ZNF426: variants seen among roughly 807,000 people sequenced by gnomAD.
ZNF426 encodes the protein zinc finger protein 426, also known as CTC-543D15.7.
ZNF426 carries 23 observed loss-of-function variants against 24.0 expected under a neutral mutation model. The ratio of observed to expected loss-of-function variants is 0.96; its 90% confidence interval spans 0.69 to 1.36. The LOEUF (loss-of-function observed/expected upper bound fraction) is 1.36, where lower values mean the gene tolerates loss of function less well. Ranked by LOEUF, ZNF426 falls within the 40% of genes most tolerant of loss-of-function variation. ZNF426 has a pLI of 0.00. For missense variants in ZNF426, 646 were observed against 658.4 expected, an observed-to-expected ratio of 0.98 and a Z score of 0.21; for synonymous variants, 272 against 224.6, an observed-to-expected ratio of 1.21 and a Z score of -1.89.
In ZNF426 at chr19:9,525,091, T is replaced by C. The variant is rs1228131787; in HGVS notation, c.*3289A>G. On this transcript the variant is annotated 3_prime_UTR_variant, in exon 8 of 8. Coordinates refer to ENST00000253115, the MANE Select transcript of ZNF426 (RefSeq NM_024106.3). ...AGTGAAACCCCGTCTCTACTAAAAA[T>C]ACAAAAAATTAGCCGGGCGTGGTAG... is the stretch of plus-strand genomic sequence containing the variant. 2.7e-5 allele frequency: 4 copies of C among 150,398 alleles called. No homozygotes were observed. Among genetic ancestry groups the C allele is most frequent in the Admixed American group, 6.6e-5 (1 of 15,116 alleles). 9.3% of individuals were successfully genotyped at this position (150,398 alleles called of 1,614,324 possible).
At chr19:9,532,263 A>G (rs2144772347) in intron 6 of ZNF426, among the ~76,000 whole-genome samples, 1 of 151,188 alleles carries the variant, frequency 6.6e-6, no homozygotes, top group South Asian at 2.1e-4. Flanking sequence ...TATTTCTGGA[A>G]ATTTTTCTTT....
In ZNF426 at chr19:9,536,469, G is replaced by A. The variant is rs1297597554; in HGVS notation, c.-124-113C>T. The A allele has an allele frequency of 9.5e-6, 10 of 1,055,328 alleles. No individual in the cohort carries two copies. In the East Asian group the frequency reaches 2.5e-4, roughly 26 times the overall value. 65.4% of individuals were successfully genotyped at this position (1,055,328 alleles called of 1,614,324 possible). ...TAATCCCAGCATTTTGGGAGGCCAG[G>A]GTGGGAGGACTGCTTCAGCCTAGAA... On this transcript the variant is annotated intron_variant, in intron 2 of 7. Coordinates refer to ENST00000253115, the MANE Select transcript of ZNF426 (RefSeq NM_024106.3).
chr19:9,527,990 C>CT lies in ZNF426; in HGVS notation c.*389dup, dbSNP rs201978637. On this transcript the variant is annotated 3_prime_UTR_variant, in exon 8 of 8. Coordinates refer to ENST00000253115, the MANE Select transcript of ZNF426 (RefSeq NM_024106.3). ...AGACTCAATTTAATCAAATAATTTT[C>CT]TTTTTTTTTTTTTTTTGAGATGGAG... The CT allele has an allele frequency of 0.045, 6,394 of 141,310 alleles. 199 individuals are homozygous for CT. The highest frequency in any genetic ancestry group is 0.091 in the South Asian group (432 of 4,748). 8.8% of individuals were successfully genotyped at this position (141,310 alleles called of 1,614,324 possible).
At chr19:9,535,353 C>T in intron 3 of ZNF426, 74 bp from the exon 4 acceptor site, 2 of 1,053,584 alleles carry the variant, frequency 1.9e-6, no homozygotes, top group South Asian at 1.4e-5. Flanking sequence ...AGGTCATTAC[C>T]TCCTAGTATG....
Position 9,536,327 on chromosome 19 carries a change from A to T in ZNF426, c.-95T>A, listed in dbSNP as rs771244510. The T allele has an allele frequency of 6.2e-7, 1 of 1,611,056 alleles. No individual in the cohort carries two copies. The highest frequency in any genetic ancestry group is 1.7e-5 in the Admixed American group (1 of 59,484). ...ATCTAAATGGACAGTGGCAATCTCC[A>T]TTCCTCTTTAAACAGGGTTATTGGG... On this transcript the variant is annotated 5_prime_UTR_variant, in exon 3 of 8. It removes an upstream start codon present in the reference 5' UTR. Transcript: ENST00000253115.
At chr19:9,537,408 C>T (rs971131722) in intron 2 of ZNF426, among the ~76,000 whole-genome samples, 13 of 151,540 alleles carry the variant, frequency 8.6e-5, no homozygotes, top group Admixed American at 2.0e-4. Context: ...TGACTAGGCC[C>T]ACAAATATTC....
chr19:9,528,304 T>G lies in ZNF426; in HGVS notation c.*76A>C. 7 of 1,383,514 alleles carry G rather than the reference T, an allele frequency of 5.1e-6. No individual in the cohort carries two copies. The highest frequency in any genetic ancestry group is 6.9e-6 in the Non-Finnish European group (7 of 1,016,084). The allele number at this position is 1,383,514 out of a possible 1,614,324, so 85.7% of individuals were successfully genotyped here. ...TTCATGCAGCTTCTTCTCTCCAGAG[T>G]GAGTTCATTCATGTCTTTAAAGTGA... is the stretch of plus-strand genomic sequence containing the variant. On this transcript the variant is annotated 3_prime_UTR_variant, in exon 8 of 8. Transcript: ENST00000253115.
At chr19:9,537,548 T>G (rs1443225495) in intron 2 of ZNF426, among the ~76,000 whole-genome samples, 1 of 150,638 alleles carries the variant, frequency 6.6e-6, no homozygotes, top group Admixed American at 6.6e-5. Context: ...CCTCAGCCTC[T>G]CAAAGTGCTG....
Position 9,535,191 on chromosome 19 carries a change from A to G in ZNF426, c.114T>C (p.Tyr38=), listed in dbSNP as rs1379746356. 6.2e-7 allele frequency: 1 copy of G among 1,611,450 alleles called. No homozygotes were observed. Among genetic ancestry groups the G allele is most frequent in the African/African-American group, 1.3e-5 (1 of 74,752 alleles). The part of the protein sequence containing the change: ...RIVADCLTDC[Y]QDSVTFDDVA... Reference sequence around the variant, plus strand: ...TAAGAATACAGCTGCTTTTTACCTGATAACAATCTGTTAGGCAGTCAGCCA... The same window carrying G: ...TAAGAATACAGCTGCTTTTTACCTGGTAACAATCTGTTAGGCAGTCAGCCA... Residue 38 remains tyrosine, a synonymous_variant, in exon 4 of 8, where the codon TAT becomes TAC. Coordinates refer to ENST00000253115, the MANE Select transcript of ZNF426 (RefSeq NM_024106.3).
At chr19:9,536,787 A>C (rs541555033) in intron 2 of ZNF426, among the ~76,000 whole-genome samples, 8 of 152,144 alleles carry the variant, frequency 5.3e-5, no homozygotes, top group South Asian at 2.1e-4. Flanking sequence ...ATGGGTCTTC[A>C]AAGAGAACTA....
Position 9,523,428 on chromosome 19 carries a change from T to G in ZNF426, c.*4952A>C, listed in dbSNP as rs767232509. ...ACCCTGGTATCTCTTTCACTTCTTA[T>G]AAGGAAACCAGTCATATTGAATGAG... is the stretch of plus-strand genomic sequence containing the variant. On this transcript the variant is annotated 3_prime_UTR_variant, in exon 8 of 8. Coordinates refer to ENST00000253115, the MANE Select transcript of ZNF426 (RefSeq NM_024106.3). 28 of 152,196 alleles carry G rather than the reference T, an allele frequency of 1.8e-4. No homozygotes were observed. Among genetic ancestry groups the G allele is most frequent in the Non-Finnish European group, 4.0e-4 (27 of 68,032 alleles). 9.4% of individuals were successfully genotyped at this position (152,196 alleles called of 1,614,324 possible).
At chr19:9,530,572 G>C (rs2073867986) in intron 7 of ZNF426, among the ~76,000 whole-genome samples, 2 of 151,910 alleles carry the variant, frequency 1.3e-5, no homozygotes, top group Admixed American at 1.3e-4. Context: ...GACTAGCCTG[G>C]GAAACACAGT....
chr19:9,536,116 C>A, intron 3 of ZNF426, 92 bp downstream of exon 3: 1 of 1,556,066 alleles, frequency 6.4e-7, no homozygotes, highest in South Asian at 1.1e-5. Context: ...CCAAATGAAT[C>A]AGCAACATGA....
chr19:9,535,176 GC>G lies in ZNF426; in HGVS notation c.117+11del, dbSNP rs768629962. ...GTATGTCACTATGTATAAGAATACA[GC>G]TGCTTTTTACCTGATAACAATCTGT... On this transcript the variant is annotated intron_variant, in intron 4 of 7. Coordinates refer to ENST00000253115, the MANE Select transcript of ZNF426 (RefSeq NM_024106.3). 1.2e-6 allele frequency: 2 copies of G among 1,607,398 alleles called. No homozygotes were observed. Among genetic ancestry groups the G allele is most frequent in the East Asian group, 4.5e-5 (2 of 44,518 alleles).
At position 9,529,628 on chromosome 19, in the gene ZNF426, T is replaced by C. The variant is rs1248408884; in HGVS notation, c.417A>G (p.Lys139=). ...AGTCACAGAGTTCCCTTCCATTGTG[T>C]TTTCCTTCCTGTTGAAGGGATGATG... ...QTSIGIQLEG[K]HNGRELCDCE... The change falls in exon 8 of 8, where the codon AAA becomes AAG. Residue 139 remains lysine (K), a synonymous_variant. Coordinates refer to ENST00000253115, the MANE Select transcript of ZNF426 (RefSeq NM_024106.3). The C allele has an allele frequency of 6.3e-7, 1 of 1,588,258 alleles. No homozygotes were observed. The highest frequency in any genetic ancestry group is 1.8e-5 in the Admixed American group (1 of 56,178).
At chr19:9,534,730 GAGTCC>G (rs1434753056) in intron 4 of ZNF426, among the ~76,000 whole-genome samples, 1 of 152,086 alleles carries the variant, frequency 6.6e-6, no homozygotes, top group African/African-American at 2.4e-5. Flanking sequence ...AAGTAGCTGG[GAGTCC>G]AGTCATGTAC....
Position 9,527,666 on chromosome 19 carries a change from T to C in ZNF426, c.*714A>G, listed in dbSNP as rs903205666. 3 of 152,168 alleles carry C rather than the reference T, an allele frequency of 2.0e-5. No individual in the cohort carries two copies. The highest frequency in any genetic ancestry group is 7.2e-5 in the African/African-American group (3 of 41,424). 9.4% of individuals were successfully genotyped at this position (152,168 alleles called of 1,614,324 possible). On this transcript the variant is annotated 3_prime_UTR_variant, in exon 8 of 8. Coordinates refer to ENST00000253115, the MANE Select transcript of ZNF426 (RefSeq NM_024106.3). Reference sequence around the variant, plus strand: ...TGTGAATATTAAGGCTTTTGGACAATCTATAAACGTTTTTGCTTATTGCTT... The same window carrying C: ...TGTGAATATTAAGGCTTTTGGACAACCTATAAACGTTTTTGCTTATTGCTT...
intron 7 of ZNF426, among the ~76,000 whole-genome samples, chr19:9,530,079 C>G (rs1001093349): frequency 6.6e-6 from 1 of 152,148 alleles, no homozygotes; most frequent in Non-Finnish European, 1.5e-5. Flanking sequence ...CAAGATCACA[C>G]CACTGCACTC....
chr19:9,536,166 G>C, intron 3 of ZNF426, 42 bp downstream of exon 3: 2 of 1,613,874 alleles, frequency 1.2e-6, no homozygotes, highest in Admixed American at 3.3e-5. Flanking sequence ...TGTGTAAAGG[G>C]AACCTAGAAC....
Sources: gnomAD v4.1 joint callset for allele counts (sites outside exome capture counted in the v4.1 genomes callset) on GRCh38, gnomAD v4.1.1 for gene constraint, MANE v1.5 for transcripts, NCBI Gene and HGNC (gene_info 2026-07-23, HGNC 2026-07-21) for gene names.